Variants in ADGRG2 observed in about 807,000 individuals in gnomAD.
ADGRG2 encodes the protein adhesion G protein-coupled receptor G2, also known as G protein-coupled receptor 64.
A neutral mutation model predicts 74.1 loss-of-function variants in ADGRG2; 26 were observed. The observed-to-expected ratio is 0.35, with a 90% confidence interval of 0.26 to 0.49. The LOEUF is 0.49. Among genes scored for constraint, ADGRG2 ranks in the 20% least tolerant of loss-of-function variants. The pLI, the probability that ADGRG2 is intolerant of heterozygous loss-of-function variation, is 0.99. For missense variants in ADGRG2, 619 were observed against 763.1 expected (o/e 0.81, Z 2.22); for synonymous variants, 296 against 295.2 (o/e 1.00, Z -0.03).
At chrX:19,036,029 T>C (rs773072848) in intron 6 of ADGRG2, 52 bp from the exon 7 acceptor site, 25 of 605,165 alleles carry the variant, frequency 4.1e-5, no homozygotes, top group Non-Finnish European at 5.7e-5. Context: ...TTTACAAACA[T>C]GTGTGTCTTC....
chrX:19,041,614 T>C (rs1376207128), intron 3 of ADGRG2, among the ~76,000 whole-genome samples: 2 of 111,632 alleles, frequency 1.8e-5, no homozygotes, highest in African/African-American at 6.5e-5. Context: ...ATTAAAATCA[T>C]AGTTCGGCTC....
At chrX:19,097,619 T>C (rs866825108) in intron 1 of ADGRG2, among the ~76,000 whole-genome samples, 20 of 112,207 alleles carry the variant, frequency 1.8e-4, no homozygotes, top group Non-Finnish European at 3.4e-4. Flanking sequence ...GAATGCTATT[T>C]GAGGGACCAA....
Position 19,036,008 on chromosome X carries a change from T to A in ADGRG2, c.227-31A>T. On this transcript the variant is annotated intron_variant, in intron 6 of 28. Transcript: ENST00000379869. ...ATAAAATAATAAAAATTAGCATAAC[T>A]ACTGGCATGGTTTACAAACATGTGT... 4 of 764,891 alleles carry A rather than the reference T, an allele frequency of 5.2e-6. No homozygotes were observed. In the Middle Eastern group the frequency reaches 1.3e-3, roughly 256 times the overall value. The allele number at this position is 764,891 out of a possible 1,213,427, so 63.0% of individuals were successfully genotyped here.
chrX:19,122,411 G>C (rs1299684554), intron 1 of ADGRG2, 31 bp downstream of exon 1: 1 of 112,006 alleles, frequency 8.9e-6, no homozygotes, highest in Non-Finnish European at 1.9e-5. Flanking sequence ...GACCCCAAGG[G>C]GCCAGACCCG....
chrX:19,023,413 G>A lies in ADGRG2; in HGVS notation c.548+3C>T, dbSNP rs1352937620. On this transcript the variant is annotated splice_donor_region_variant and intron_variant, in intron 13 of 28. Transcript: ENST00000379869. Reference sequence around the variant, plus strand: ...ATTTATGAAAGTATTAAAAATGACTGACCTTTGGGCCTCTGCTGTAGCACA... The same window carrying A: ...ATTTATGAAAGTATTAAAAATGACTAACCTTTGGGCCTCTGCTGTAGCACA... 2 of 1,087,463 alleles carry A rather than the reference G, an allele frequency of 1.8e-6. No homozygotes were observed. The highest frequency in any genetic ancestry group is 2.5e-6 in the Non-Finnish European group (2 of 800,426). 89.6% of individuals were successfully genotyped at this position (1,087,463 alleles called of 1,213,427 possible).
rs975464344 is a variant in ADGRG2, at chrX:19,022,688, C to A, written c.548+728G>T. On this transcript the variant is annotated intron_variant, in intron 13 of 28. Transcript: ENST00000379869. ...CATGTGCTTCTTAATTTGTTCTTTT[C>A]TCTTTCTTTAAAAAAAATTTTTTTT... 2.7e-5 allele frequency among the ~76,000 whole-genome samples: 3 copies of A among 111,671 alleles called. No homozygotes were observed. The Admixed American group carries it at 2.9e-4, about 11-fold the overall frequency.
intron 1 of ADGRG2, among the ~76,000 whole-genome samples, chrX:19,092,393 G>C (rs1424383650): frequency 9.3e-6 from 1 of 107,840 alleles, no homozygotes; most frequent in Non-Finnish European, 1.9e-5. Context: ...TGATGGGGGC[G>C]AGAATAAAAT....
chrX:18,999,991 ATT>A (rs754958892), intron 24 of ADGRG2, 31 bp from the exon 25 acceptor site: 10,084 of 537,701 alleles, frequency 0.019, no homozygotes, highest in East Asian at 0.024. Context: ...GTCACACCTA[ATT>A]TTTTTTTTTT....
chrX:19,027,775 C>A (rs1000436528), intron 10 of ADGRG2, among the ~76,000 whole-genome samples: 7 of 112,293 alleles, frequency 6.2e-5, no homozygotes, highest in African/African-American at 2.3e-4. Context: ...ATCCTCTGAA[C>A]CAATCTAGGT....
intron 1 of ADGRG2, among the ~76,000 whole-genome samples, chrX:19,120,581 T>C (rs1221526832): frequency 8.9e-6 from 1 of 111,919 alleles, no homozygotes; most frequent in Non-Finnish European, 1.9e-5. Flanking sequence ...AATAAACCTC[T>C]ACTCTCCATC....
intron 1 of ADGRG2, among the ~76,000 whole-genome samples, chrX:19,101,858 G>A (rs1299978535): frequency 9.1e-6 from 1 of 110,436 alleles, no homozygotes. Flanking sequence ...TCCACATGCA[G>A]CACATACTGA....
chrX:19,095,660 C>G (rs2062083883), intron 1 of ADGRG2, among the ~76,000 whole-genome samples: 1 of 111,205 alleles, frequency 9.0e-6, no homozygotes, highest in African/African-American at 3.3e-5. Flanking sequence ...ATTCTCTCAT[C>G]CAAAATAAAG....
intron 28 of ADGRG2, among the ~76,000 whole-genome samples, chrX:18,991,679 G>T (rs1415109237): frequency 8.9e-6 from 1 of 112,062 alleles, no homozygotes; most frequent in Admixed American, 9.4e-5. Flanking sequence ...GGGCACTCAA[G>T]GGTAACTGTT....
chrX:19,106,866 G>A (rs2062305951), intron 1 of ADGRG2, among the ~76,000 whole-genome samples: 1 of 109,702 alleles, frequency 9.1e-6, no homozygotes, highest in African/African-American at 3.3e-5. Flanking sequence ...GTTGCAGTGA[G>A]CCGAGATCAT....
At chrX:19,055,270 G>GTGTA (rs1491541231) in intron 3 of ADGRG2, among the ~76,000 whole-genome samples, 2 of 108,684 alleles carry the variant, frequency 1.8e-5, no homozygotes, top group South Asian at 3.9e-4. Context: ...GTGTGTGTGT[G>GTGTA]TATGTGTGTG....
intron 1 of ADGRG2, among the ~76,000 whole-genome samples, chrX:19,107,027 A>C (rs1048629501): frequency 1.8e-5 from 2 of 111,181 alleles, no homozygotes; most frequent in Non-Finnish European, 3.8e-5. Context: ...GGTACTTGGG[A>C]GAGCTGTTTA....
chrX:19,065,261 CAAAAA>C lies in ADGRG2; in HGVS notation c.118+3451_118+3455del, dbSNP rs749063279. 7.4e-3 allele frequency among the ~76,000 whole-genome samples: 82 copies of C among 11,129 alleles called. 1 individual carries two copies. Among genetic ancestry groups the C allele is most frequent in the African/African-American group, 0.024 (77 of 3,164 alleles). The allele number at this position is 11,129 out of a possible 115,157, so 9.7% of individuals were successfully genotyped here. On this transcript the variant is annotated intron_variant, in intron 3 of 28. Coordinates refer to ENST00000379869, the MANE Select transcript of ADGRG2 (RefSeq NM_001079858.3). ...TCTGGGCGACAACAAGATCCTGTCTCAAAAAAAAAAAAAAAAAAAAAAAAGTAAAG... is the reference window on the plus strand; with the variant it reads ...TCTGGGCGACAACAAGATCCTGTCTCAAAAAAAAAAAAAAAAAAAGTAAAG...
chrX:18,992,329 G>A (rs745676089), intron 28 of ADGRG2, among the ~76,000 whole-genome samples: 5 of 112,326 alleles, frequency 4.5e-5, no homozygotes, highest in Admixed American at 9.4e-5. Flanking sequence ...TCGTTCTGTC[G>A]CCCATGCTGG....
At chrX:19,101,693 G>A (rs757573529) in intron 1 of ADGRG2, among the ~76,000 whole-genome samples, 2 of 106,856 alleles carry the variant, frequency 1.9e-5, no homozygotes, top group Non-Finnish European at 3.9e-5. Context: ...AGAGTGAGAC[G>A]CAATCTCAAA....
Sources: allele counts gnomAD v4.1 joint callset (sites outside exome capture counted in the v4.1 genomes callset), GRCh38; gene constraint gnomAD v4.1.1; transcripts MANE v1.5; gene names NCBI Gene and HGNC (gene_info 2026-07-23, HGNC 2026-07-21).